The following CEP152 variants were observed in gnomAD, a reference collection of about 807,000 sequenced individuals.
The protein encoded by CEP152 is centrosomal protein of 152 kDa.
A neutral mutation model predicts 188.9 loss-of-function variants in CEP152; 132 were observed. That is an observed-to-expected ratio of 0.70 (90% confidence interval 0.61 to 0.81). The LOEUF (loss-of-function observed/expected upper bound fraction) is 0.81, where lower values mean the gene tolerates loss of function less well. CEP152 is among the 30% of genes least tolerant of loss of function. The probability of loss-of-function intolerance (pLI) is 0.00; values close to 1 mark genes in which losing one functional copy is unlikely to be tolerated. For missense variants in CEP152, 1,914 were observed against 1,969.8 expected (o/e 0.97, Z 0.54); for synonymous variants, 649 against 666.6 (o/e 0.97, Z 0.41).
At chr15:48,805,894 C>T (rs1834586086) in intron 1 of CEP152, among the ~76,000 whole-genome samples, 1 of 152,124 alleles carries the variant, frequency 6.6e-6, no homozygotes. Context: ...ATAGACCTTT[C>T]TAGTGGTCTG....
chr15:48,808,816 T>C (rs1263235616), intron 1 of CEP152, among the ~76,000 whole-genome samples: 2 of 152,212 alleles, frequency 1.3e-5, no homozygotes, highest in Non-Finnish European at 2.9e-5. Context: ...TTGTCAATAC[T>C]ATGCCACTAG....
At chr15:48,768,836 T>A (rs1431156417) in intron 14 of CEP152, 120 bp downstream of exon 14, 1 of 717,322 alleles carries the variant, frequency 1.4e-6, no homozygotes, top group Non-Finnish European at 2.3e-6. Context: ...CATAATCACC[T>A]GCTAATATAC....
intron 2 of CEP152, chr15:48,729,300 C>T (rs1171333134): frequency 6.6e-6 from 1 of 152,254 alleles, no homozygotes; most frequent in Non-Finnish European, 1.5e-5. Context: ...CTTTCGAAGG[C>T]TAAGGTGGGA....
Position 48,767,116 on chromosome 15 carries a change from T to C in CEP152, c.2224A>G (p.Asn742Asp), listed in dbSNP as rs1895175472. ...GTCTTCCTGAGAGTCAATTCTAGATTATCCTTCTCTCTGCACACTTCTAGG... is the reference window on the plus strand; with the variant it reads ...GTCTTCCTGAGAGTCAATTCTAGATCATCCTTCTCTCTGCACACTTCTAGG... ...CYLEVCREKD[N>D]LELTLRKTTE... Residue 742 changes from asparagine to aspartate, a missense_variant, in exon 17 of 27, where the codon AAT becomes GAT. Physicochemically the swap from Asn to Asp is conservative, Grantham distance 23. Transcript: ENST00000380950. 1.2e-6 allele frequency: 2 copies of C among 1,613,534 alleles called. No individual in the cohort carries two copies. Among genetic ancestry groups the C allele is most frequent in the Non-Finnish European group, 1.7e-6 (2 of 1,180,020 alleles).
chr15:48,764,744 T>C (rs771380261), intron 17 of CEP152, among the ~76,000 whole-genome samples: 1 of 152,174 alleles, frequency 6.6e-6, no homozygotes, highest in Non-Finnish European at 1.5e-5. Flanking sequence ...AAACTTGGAA[T>C]TGAGCTCCTA....
In CEP152 at chr15:48,781,261, T is replaced by C; in HGVS notation, c.1512A>G (p.Glu504=). The change falls in exon 12 of 27, where the codon GAA becomes GAG. Residue 504 remains glutamate (E), a synonymous_variant. Coordinates refer to ENST00000380950, the MANE Select transcript of CEP152 (RefSeq NM_001194998.2). ...PSDSEGELNI[E]LTESYVDLGI... ...CCAAATCCACATACGATTCAGTGAG[T>C]TCTATATTTAATTCTCCTTCTGAGT... is the stretch of plus-strand genomic sequence containing the variant. 1 of 1,613,512 alleles carries C rather than the reference T, an allele frequency of 6.2e-7. No individual in the cohort carries two copies. The highest frequency in any genetic ancestry group is 8.5e-7 in the Non-Finnish European group (1 of 1,179,636).
At chr15:48,790,039 C>CTTTTTAATCTACATTACTA (rs1344251044) in intron 8 of CEP152, among the ~76,000 whole-genome samples, 1 of 152,212 alleles carries the variant, frequency 6.6e-6, no homozygotes, top group Admixed American at 6.5e-5. Flanking sequence ...GGCAACTTAA[C>CTTTTTAATCTACATTACTA]TTTTTAATCT....
intron 12 of CEP152, among the ~76,000 whole-genome samples, chr15:48,779,814 T>C (rs902021343): frequency 6.6e-6 from 1 of 152,368 alleles, no homozygotes; most frequent in African/African-American, 2.4e-5. Flanking sequence ...ATTAACATTT[T>C]ATGTAAATCT....
chr15:48,763,545 T>C (rs1199243113), intron 17 of CEP152, among the ~76,000 whole-genome samples: 1 of 151,832 alleles, frequency 6.6e-6, no homozygotes, highest in Admixed American at 6.6e-5. Flanking sequence ...GTGGTGGCGC[T>C]TGCCTGTAAT....
chr15:48,767,563 A>G, intron 15 of CEP152, 100 bp from the exon 16 acceptor site: 2 of 1,509,782 alleles, frequency 1.3e-6, no homozygotes, highest in Middle Eastern at 1.7e-4. Context: ...CTCTAATGCA[A>G]ATTATAATTG....
At chr15:48,803,145 G>C (rs538495152) in intron 2 of CEP152, among the ~76,000 whole-genome samples, 4 of 152,320 alleles carry the variant, frequency 2.6e-5, no homozygotes, top group African/African-American at 9.6e-5. Context: ...GATTCACTAA[G>C]TAGAGAAAGC....
At chr15:48,779,941 C>T (rs917648384) in intron 12 of CEP152, among the ~76,000 whole-genome samples, 1 of 152,208 alleles carries the variant, frequency 6.6e-6, no homozygotes, top group Admixed American at 6.5e-5. Context: ...ATCAAACACA[C>T]GTAAATGTGT....
At chr15:48,789,120 T>A (rs1896851975) in intron 8 of CEP152, 119 bp from the exon 9 acceptor site, 1 of 916,628 alleles carries the variant, frequency 1.1e-6, no homozygotes, top group Non-Finnish European at 1.7e-6. Flanking sequence ...TTAATGAGAG[T>A]AGAGAAGGGG....
chr15:48,798,516 G>A (rs1429793676), intron 2 of CEP152, among the ~76,000 whole-genome samples: 3 of 146,766 alleles, frequency 2.0e-5, no homozygotes, highest in African/African-American at 5.0e-5. Flanking sequence ...GCAGCAGCAG[G>A]TGGCCTAGAA....
chr15:48,801,361 A>G (rs1430162242), intron 2 of CEP152, among the ~76,000 whole-genome samples: 1 of 152,218 alleles, frequency 6.6e-6, no homozygotes, highest in East Asian at 1.9e-4. Context: ...TCTAAAATAC[A>G]TGATGCTGAG....
intron 22 of CEP152, among the ~76,000 whole-genome samples, chr15:48,748,028 G>T (rs553101150): frequency 9.2e-5 from 14 of 152,218 alleles, no homozygotes; most frequent in Admixed American, 2.0e-4. Context: ...TCTTTCTGAG[G>T]AAAACACTGC....
At chr15:48,737,348 C>T (rs1292655305), downstream of CEP152, among the ~76,000 whole-genome samples, 2 of 152,030 alleles carry the variant, frequency 1.3e-5, no homozygotes, top group East Asian at 3.9e-4. Context: ...ATGTTCATAC[C>T]CATCGCTAGG....
chr15:48,750,433 C>T (rs1242622146), intron 21 of CEP152, among the ~76,000 whole-genome samples: 1 of 152,136 alleles, frequency 6.6e-6, no homozygotes. Context: ...GTCATTGATC[C>T]AGCAAAATTA....
At chr15:48,739,868 G>T (rs1566972600) in intron 26 of CEP152, among the ~76,000 whole-genome samples, 1 of 152,154 alleles carries the variant, frequency 6.6e-6, no homozygotes, top group Non-Finnish European at 1.5e-5. Flanking sequence ...GACATTATTT[G>T]CACACTGTTG....
Sources: allele counts gnomAD v4.1 joint callset (sites outside exome capture counted in the v4.1 genomes callset), GRCh38; gene constraint gnomAD v4.1.1; transcripts MANE v1.5; gene names NCBI Gene and HGNC (gene_info 2026-07-23, HGNC 2026-07-21).